ZNF91: variants seen among roughly 807,000 people sequenced by gnomAD.
The protein encoded by ZNF91 is zinc finger protein 91.
Under a neutral mutation model 12.6 loss-of-function variants are expected in ZNF91, and 7 were observed. The observed-to-expected ratio is 0.55, with a 90% CI of 0.31 to 1.04. ZNF91 has a LOEUF of 1.04. ZNF91 is among the 50% of genes least tolerant of loss of function. The pLI, the probability that ZNF91 is intolerant of heterozygous loss-of-function variation, is 0.05. For synonymous variants in ZNF91, 453 were observed against 462.6 expected (o/e 0.98, Z 0.27); for missense variants, 1,217 against 1,385.4 (o/e 0.88, Z 1.93).
At chr19:23,394,191 A>G (rs1970157424) in intron 1 of ZNF91, among the ~76,000 whole-genome samples, 1 of 152,122 alleles carries the variant, frequency 6.6e-6, no homozygotes, top group South Asian at 2.1e-4. Context: ...GCCCTGCTTG[A>G]GACACATGTA....
At chr19:23,366,407 C>T (rs947930515) in intron 3 of ZNF91, among the ~76,000 whole-genome samples, 4 of 152,088 alleles carry the variant, frequency 2.6e-5, no homozygotes, top group Non-Finnish European at 4.4e-5. Flanking sequence ...ATCCCATTTT[C>T]GATAAATAGA....
intron 1 of ZNF91, among the ~76,000 whole-genome samples, chr19:23,323,714 TTTC>T (rs1967771304): frequency 7.9e-6 from 1 of 126,792 alleles, no homozygotes; most frequent in Non-Finnish European, 1.7e-5. Context: ...TCCTCCTTCT[TTTC>T]TTCTACGCCT....
chr19:23,373,714 G>A, intron 3 of ZNF91, 28 bp downstream of exon 3: 1 of 1,569,502 alleles, frequency 6.4e-7, no homozygotes, highest in South Asian at 1.1e-5. Flanking sequence ...TCTCATCCTT[G>A]TCGTCTGTTG....
At chr19:23,321,248 C>T (rs187375472) in intron 1 of ZNF91, among the ~76,000 whole-genome samples, 2 of 152,090 alleles carry the variant, frequency 1.3e-5, no homozygotes, top group Non-Finnish European at 2.9e-5. Context: ...AGAACCTAGG[C>T]GAGATGACTC....
At chr19:23,391,771 G>GA (rs1226852675) in intron 1 of ZNF91, among the ~76,000 whole-genome samples, 2 of 152,102 alleles carry the variant, frequency 1.3e-5, no homozygotes, top group Admixed American at 1.3e-4. Context: ...TAGCTGAGGT[G>GA]AGCAAGCTGG....
At chr19:23,381,483 C>T (rs1969713647) in intron 1 of ZNF91, among the ~76,000 whole-genome samples, 1 of 134,602 alleles carries the variant, frequency 7.4e-6, no homozygotes, top group African/African-American at 2.7e-5. Context: ...TTTTTTGAGA[C>T]TGAGTTTTGC....
chr19:23,385,179 G>T (rs1969834950), intron 1 of ZNF91: 1 of 688,472 alleles, frequency 1.5e-6, no homozygotes. Flanking sequence ...TCAAGGGAAA[G>T]ACTAAGTCAG....
chr19:23,311,695 G>A (rs955326246), upstream of ZNF91, among the ~76,000 whole-genome samples: 13 of 152,100 alleles, frequency 8.5e-5, no homozygotes, highest in Non-Finnish European at 1.9e-4. Context: ...AGGGGAGATG[G>A]TGACACATCA....
intron 1 of ZNF91, among the ~76,000 whole-genome samples, chr19:23,319,884 T>A (rs1378509851): frequency 2.0e-5 from 3 of 152,194 alleles, no homozygotes; most frequent in Non-Finnish European, 4.4e-5. Context: ...AGAGAGATAC[T>A]GTCTCTTATA....
chr19:23,388,384 T>C (rs1248703565), intron 1 of ZNF91, among the ~76,000 whole-genome samples: 1 of 147,282 alleles, frequency 6.8e-6, no homozygotes, highest in Non-Finnish European at 1.5e-5. Context: ...ATTGTAAAAT[T>C]CATATAAAAC....
intron 1 of ZNF91, among the ~76,000 whole-genome samples, chr19:23,333,464 T>C (rs1487776356): frequency 6.6e-6 from 1 of 152,296 alleles, no homozygotes; most frequent in East Asian, 1.9e-4. Flanking sequence ...GAGGTATTAT[T>C]TCTTTGTTGT....
chr19:23,323,958 T>C (rs1330197469), intron 1 of ZNF91: 1 of 148,402 alleles, frequency 6.7e-6, no homozygotes, highest in East Asian at 2.1e-4. Flanking sequence ...CCTCCTCTCC[T>C]TCACCTCTTC....
Position 23,362,694 on chromosome 19 carries a change from C to T in ZNF91, c.285G>A (p.Trp95Ter). The change falls in exon 4 of 4, where the codon TGG (tryptophan) becomes TGA (stop). Residue 95 changes from tryptophan (W) to a stop codon, truncating the protein, a stop_gained. Coordinates refer to ENST00000300619, the MANE Select transcript of ZNF91 (RefSeq NM_003430.4). LOFTEE classifies it low-confidence loss of function (END_TRUNC). ...GICPHFPQDF[W>*]PEQSMEDSFQ... ...AAGAATCTTCCATGCTCTGCTCTGG[C>T]CAAAAGTCTTGAGGAAAATGAGGAC... The T allele has an allele frequency of 1.3e-6, 2 of 1,489,696 alleles. No homozygotes were observed. Among genetic ancestry groups the T allele is most frequent in the East Asian group, 2.3e-5 (1 of 43,598 alleles). The allele number at this position is 1,489,696 out of a possible 1,614,324, so 92.3% of individuals were successfully genotyped here.
Position 23,359,786 on chromosome 19 carries a change from G to A in ZNF91, c.3193C>T (p.Leu1065=), listed in dbSNP as rs1968642700. The A allele has an allele frequency of 1.9e-6, 3 of 1,613,796 alleles. No homozygotes were observed. The highest frequency in any genetic ancestry group is 1.3e-5 in the African/African-American group (1 of 74,830). ...CGKAFISSST[L]NGHKRIHTRE... is the part of the protein sequence containing the mutation. ...GTATGAATTCTCTTATGTCCATTTA[G>A]GGTTGAGGATGATATAAATGCTTTG... is the stretch of plus-strand genomic sequence containing the variant. The change falls in exon 4 of 4, where the codon CTA becomes TTA. Residue 1065 remains leucine, a synonymous_variant. Coordinates refer to ENST00000300619, the MANE Select transcript of ZNF91 (RefSeq NM_003430.4).
chr19:23,359,531 T>A lies in ZNF91; in HGVS notation c.3448A>T (p.Thr1150Ser), dbSNP rs376581894. 2.1e-5 allele frequency: 34 copies of A among 1,613,964 alleles called. No individual in the cohort carries two copies. Among genetic ancestry groups the A allele is most frequent in the Non-Finnish European group, 2.7e-5 (32 of 1,179,948 alleles). The change falls in exon 4 of 4, where the codon ACT becomes TCT. Residue 1150 changes from threonine to serine, a missense_variant. By Grantham distance (58) the Thr-to-Ser change is moderately conservative (BLOSUM62 1). This residue lies in a region of ZNF91 where 491 missense variants were observed against 489.8 expected (regional missense o/e 1.00). Transcript: ENST00000300619. Reference protein sequence around the residue: ...GKAFNQSSILTNHKKIHTITP... With the variant: ...GKAFNQSSILSNHKKIHTITP... ...ATAGTATGAATTTTCTTATGGTTAG[T>A]AAGGATTGAAGACTGGTTAAAGGCT... is the stretch of plus-strand genomic sequence containing the variant.
chr19:23,390,346 G>A (rs1372426937), intron 1 of ZNF91, among the ~76,000 whole-genome samples: 2 of 151,948 alleles, frequency 1.3e-5, no homozygotes, highest in Non-Finnish European at 2.9e-5. Context: ...CCCCAACAAA[G>A]TCATGTGAAA....
At chr19:23,311,922 C>A (rs574217435), upstream of ZNF91, among the ~76,000 whole-genome samples, 59 of 146,662 alleles carry the variant, frequency 4.0e-4, no homozygotes, top group African/African-American at 1.4e-3. Flanking sequence ...AAAAAAAGTA[C>A]TGTGACACAT....
chr19:23,349,703 G>A (rs915679590), intron 3 of ZNF91, among the ~76,000 whole-genome samples: 1 of 151,806 alleles, frequency 6.6e-6, no homozygotes, highest in African/African-American at 2.4e-5. Context: ...GCCAACTGCA[G>A]TGAGAGTCCA....
intron 1 of ZNF91, among the ~76,000 whole-genome samples, chr19:23,378,940 A>G (rs956311623): frequency 2.0e-5 from 3 of 152,332 alleles, no homozygotes; most frequent in African/African-American, 7.2e-5. Context: ...CCAGGGAACT[A>G]GAGAAACTCT....
Sources: gnomAD v4.1 joint callset for allele counts (sites outside exome capture counted in the v4.1 genomes callset) on GRCh38, gnomAD v4.1.1 for gene constraint, gnomAD v4.1.1 regional missense constraint, MANE v1.5 for transcripts, NCBI Gene and HGNC (gene_info 2026-07-23, HGNC 2026-07-21) for gene names.